TGM3: variants seen among roughly 807,000 people sequenced by gnomAD.
TGM3 encodes protein-glutamine gamma-glutamyltransferase E.
A neutral mutation model predicts 73.8 loss-of-function variants in TGM3; 52 were observed. That is an observed-to-expected ratio of 0.70 (90% CI 0.56 to 0.89). TGM3 has a LOEUF of 0.89. Ranked by LOEUF, TGM3 falls within the 40% of genes least tolerant of loss-of-function variation. TGM3 has a pLI of 0.00. For missense variants in TGM3, 928 were observed against 909.9 expected, an observed-to-expected ratio of 1.02 and a Z score of -0.26; for synonymous variants, 372 against 354.9, an observed-to-expected ratio of 1.05 and a Z score of -0.54.
intron 12 of TGM3, 122 bp downstream of exon 12, chr20:2,340,109 T>C: frequency 8.1e-7 from 1 of 1,236,260 alleles, no homozygotes. Flanking sequence ...CTTTTGGGGG[T>C]CTTGGAACTC....
intron 9 of TGM3, among the ~76,000 whole-genome samples, chr20:2,330,733 A>C (rs45543935): frequency 0.012 from 1,818 of 152,228 alleles, 32 homozygotes; most frequent in African/African-American, 0.041. Flanking sequence ...GGGCCAGGTG[A>C]AGTGGCTCAT....
At chr20:2,303,096 C>G (rs1028439154) in intron 1 of TGM3, among the ~76,000 whole-genome samples, 2 of 151,964 alleles carry the variant, frequency 1.3e-5, no homozygotes, top group African/African-American at 4.8e-5. Flanking sequence ...GTCGGGAGTT[C>G]GACAACAGGA....
chr20:2,299,357 C>A (rs1026956897), intron 1 of TGM3, among the ~76,000 whole-genome samples: 1 of 152,194 alleles, frequency 6.6e-6, no homozygotes, highest in Non-Finnish European at 1.5e-5. Context: ...AAGTCCTCCC[C>A]ACTCCCGCTT....
chr20:2,311,481 T>G (rs2084203235), intron 4 of TGM3, among the ~76,000 whole-genome samples: 1 of 152,142 alleles, frequency 6.6e-6, no homozygotes, highest in Non-Finnish European at 1.5e-5. Context: ...TAGCTTCTGT[T>G]TTTCATTCCA....
At position 2,309,610 on chromosome 20, in the gene TGM3, C is replaced by T. The variant is rs199859769; in HGVS notation, c.8-47C>T. 100 of 1,603,268 alleles carry T rather than the reference C, an allele frequency of 6.2e-5. 1 individual carries two copies. The East Asian group carries it at 2.1e-3, about 33-fold the overall frequency. The stretch of plus-strand genomic sequence containing the variant: ...TAACTTACACCCTTCCCCCACACCA[C>T]CATCCCTTGCCTCCTAGGACTTCAG... On this transcript the variant is annotated intron_variant, in intron 1 of 12. Coordinates refer to ENST00000381458, the MANE Select transcript of TGM3 (RefSeq NM_003245.4).
chr20:2,303,199 G>A (rs755463851), intron 1 of TGM3, among the ~76,000 whole-genome samples: 2 of 152,142 alleles, frequency 1.3e-5, no homozygotes, highest in Non-Finnish European at 2.9e-5. Flanking sequence ...TACTCAGGAG[G>A]CTGAGGCAGG....
chr20:2,309,084 G>A (rs535650645), intron 1 of TGM3, among the ~76,000 whole-genome samples: 3 of 152,284 alleles, frequency 2.0e-5, no homozygotes, highest in South Asian at 2.1e-4. Flanking sequence ...TCACCATGTT[G>A]GCCAGTCTGG....
At chr20:2,308,298 G>A (rs1296945884) in intron 1 of TGM3, among the ~76,000 whole-genome samples, 3 of 152,182 alleles carry the variant, frequency 2.0e-5, no homozygotes, top group African/African-American at 7.2e-5. Flanking sequence ...AAAGAGCTGT[G>A]TCTGGCACTG....
chr20:2,327,095 T>G (rs1350946641), intron 8 of TGM3, among the ~76,000 whole-genome samples: 2 of 152,110 alleles, frequency 1.3e-5, no homozygotes, highest in African/African-American at 4.8e-5. Context: ...GTGGGCTGTG[T>G]CCATCATTTT....
chr20:2,310,620 A>G lies in TGM3; in HGVS notation c.421+203A>G, dbSNP rs569180414. ...AGTCCTTCTATCTCTCCAAGCCCCA[A>G]TGTCCTCACCATTAAATGGACATCC... On this transcript the variant is annotated intron_variant, in intron 3 of 12. Coordinates refer to ENST00000381458, the MANE Select transcript of TGM3 (RefSeq NM_003245.4). Among the ~76,000 whole-genome samples, 11 of 152,342 alleles carry G rather than the reference A, an allele frequency of 7.2e-5. No homozygotes were observed. The South Asian group carries it at 1.0e-3, about 14-fold the overall frequency.
At chr20:2,338,892 G>T (rs919740446) in intron 11 of TGM3, among the ~76,000 whole-genome samples, 2 of 152,224 alleles carry the variant, frequency 1.3e-5, no homozygotes, top group Non-Finnish European at 2.9e-5. Context: ...AAGTTGAGGC[G>T]CAAAGAGATG....
At chr20:2,318,433 A>T (rs1031727613) in intron 7 of TGM3, among the ~76,000 whole-genome samples, 2 of 152,226 alleles carry the variant, frequency 1.3e-5, no homozygotes, top group African/African-American at 4.8e-5. Flanking sequence ...GAAGTAGGAA[A>T]TGTGTAGACA....
At chr20:2,313,892 A>G (rs2084220180) in intron 5 of TGM3, among the ~76,000 whole-genome samples, 1 of 152,070 alleles carries the variant, frequency 6.6e-6, no homozygotes, top group Non-Finnish European at 1.5e-5. Context: ...CTAGCCAGGC[A>G]TAGGCAGACA....
chr20:2,307,477 T>A (rs2084182013), intron 1 of TGM3, among the ~76,000 whole-genome samples: 1 of 152,154 alleles, frequency 6.6e-6, no homozygotes, highest in African/African-American at 2.4e-5. Flanking sequence ...TGCAGGCAGC[T>A]CTATGGGCAC....
At chr20:2,339,375 A>G (rs959977000) in intron 11 of TGM3, among the ~76,000 whole-genome samples, 4 of 152,212 alleles carry the variant, frequency 2.6e-5, no homozygotes, top group Non-Finnish European at 5.9e-5. Context: ...AGTGACTTAC[A>G]TCTGTAATCC....
intron 2 of TGM3, 25 bp downstream of exon 2, chr20:2,309,855 C>T: frequency 6.2e-7 from 1 of 1,613,418 alleles, no homozygotes; most frequent in Non-Finnish European, 8.5e-7. Context: ...CCCTCCTTGC[C>T]CAAACACACA....
rs2084300237 is a variant in TGM3, at chr20:2,328,199, C to A, written c.1167C>A (p.Ile389=). 1 of 1,614,184 alleles carries A rather than the reference C, an allele frequency of 6.2e-7. No homozygotes were observed. Among genetic ancestry groups the A allele is most frequent in the Non-Finnish European group, 8.5e-7 (1 of 1,180,048 alleles). Residue 389 remains isoleucine (I), a synonymous_variant, in exon 9 of 13, where the codon ATC becomes ATA. Transcript: ENST00000381458. The surrounding 1 kb of genome is among the most constrained non-coding windows in gnomAD (Gnocchi z 5.2). ...DVQLNFDMPF[I]FAEVNADRIT... Reference sequence around the variant, plus strand: ...AGCTGAACTTCGACATGCCCTTTATCTTCGCGGAGGTTAATGCCGACCGCA... The same window carrying A: ...AGCTGAACTTCGACATGCCCTTTATATTCGCGGAGGTTAATGCCGACCGCA...
intron 9 of TGM3, among the ~76,000 whole-genome samples, chr20:2,331,044 A>T (rs2084318520): frequency 6.6e-6 from 1 of 151,600 alleles, no homozygotes. Flanking sequence ...GAAAAAAAAT[A>T]AAAAAAGAAA....
intron 7 of TGM3, among the ~76,000 whole-genome samples, 173 bp from the exon 8 acceptor site, chr20:2,325,676 G>A (rs946014784): frequency 2.0e-5 from 3 of 152,214 alleles, no homozygotes; most frequent in African/African-American, 7.2e-5. Context: ...GCACAGTGCT[G>A]TGAGGATTTC....
Sources: gnomAD v4.1 joint callset for allele counts (sites outside exome capture counted in the v4.1 genomes callset) on GRCh38, gnomAD v4.1.1 for gene constraint, Gnocchi (gnomAD v3.1) non-coding constraint, MANE v1.5 for transcripts, NCBI Gene and HGNC (gene_info 2026-07-23, HGNC 2026-07-21) for gene names.